Variants in TMEM245 observed in about 807,000 individuals in gnomAD.
TMEM245 encodes protein CG-2.
A neutral mutation model predicts 101.2 loss-of-function variants in TMEM245; 69 were observed. That is an observed-to-expected ratio of 0.68 (90% CI 0.56 to 0.83). The LOEUF is 0.83. Among genes scored for constraint, TMEM245 ranks in the 40% least tolerant of loss-of-function variants. TMEM245 has a pLI of 0.00. For missense variants in TMEM245, 1,075 were observed against 1,092.8 expected, an observed-to-expected ratio of 0.98 and a Z score of 0.23; for synonymous variants, 537 against 449.8, an observed-to-expected ratio of 1.19 and a Z score of -2.45.
rs1047151555 is a variant in TMEM245, at chr9:109,027,933, C to T, written c.2594+5374G>A. ...CTGACCTCAGGTGATCTACCCACCTCGACCTCCCAAAGTGCTGGGATTACA... is the reference window on the plus strand; with the variant it reads ...CTGACCTCAGGTGATCTACCCACCTTGACCTCCCAAAGTGCTGGGATTACA... On this transcript the variant is annotated intron_variant, in intron 17 of 17. Coordinates refer to ENST00000374586, the MANE Select transcript of TMEM245 (RefSeq NM_032012.4). Among the ~76,000 whole-genome samples, 4 of 151,818 alleles carry T rather than the reference C, an allele frequency of 2.6e-5. No homozygotes were observed. The South Asian group carries it at 8.4e-4, about 32-fold the overall frequency.
At chr9:109,086,633 A>C (rs1467328804) in intron 6 of TMEM245, among the ~76,000 whole-genome samples, 2 of 152,236 alleles carry the variant, frequency 1.3e-5, no homozygotes, top group Non-Finnish European at 2.9e-5. Context: ...ATGGAAACCA[A>C]GGCACAGAAA....
chr9:109,090,415 T>G (rs1424494106), intron 5 of TMEM245, among the ~76,000 whole-genome samples: 1 of 151,920 alleles, frequency 6.6e-6, no homozygotes, highest in African/African-American at 2.4e-5. Context: ...GCTAAACACA[T>G]TTTTTGAGCT....
At chr9:109,038,227 T>C in intron 14 of TMEM245, 110 bp from the exon 15 acceptor site, 1 of 680,134 alleles carries the variant, frequency 1.5e-6, no homozygotes, top group Non-Finnish European at 2.4e-6. Context: ...TCAGTTTTTC[T>C]GCTGGCCTGA....
intron 17 of TMEM245, among the ~76,000 whole-genome samples, chr9:109,022,789 T>C (rs553855481): frequency 1.3e-5 from 2 of 152,344 alleles, no homozygotes; most frequent in East Asian, 3.9e-4. Flanking sequence ...TGAAAAGCCC[T>C]GGAAAATCTT....
chr9:109,037,856 C>T (rs1435540818), intron 15 of TMEM245, among the ~76,000 whole-genome samples, 161 bp downstream of exon 15: 5 of 152,176 alleles, frequency 3.3e-5, no homozygotes, highest in Admixed American at 6.5e-5. Context: ...TAAACAAACA[C>T]ATTACAAATC....
intron 6 of TMEM245, 95 bp from the exon 7 acceptor site, chr9:109,086,115 GA>G (rs1829827722): frequency 2.9e-6 from 4 of 1,380,792 alleles, no homozygotes; most frequent in Non-Finnish European, 4.1e-6. Flanking sequence ...AGGAAAGCAT[GA>G]GAAGGAAACC....
In TMEM245 at chr9:109,108,455, A is replaced by G. The variant is rs1830485932; in HGVS notation, c.695T>C (p.Leu232Ser). The change falls in exon 2 of 18, where the codon TTA becomes TCA. Residue 232 changes from leucine to serine, a missense_variant and splice_region_variant. Coordinates refer to ENST00000374586, the MANE Select transcript of TMEM245 (RefSeq NM_032012.4). ...AAAAAAAAAAAGAAGGAACCCACCT[A>G]AATGAAAAAGCAATATAATCCAGAC... ...IPVWIILLFHLASLAGSWRIP... is the reference protein window; with the variant it reads ...IPVWIILLFHSASLAGSWRIP... 5.8e-6 allele frequency: 9 copies of G among 1,541,304 alleles called. No homozygotes were observed. The highest frequency in any genetic ancestry group is 7.9e-6 in the Non-Finnish European group (9 of 1,143,282).
chr9:109,057,286 A>G lies in TMEM245; in HGVS notation c.1759T>C (p.Leu587=). 1 of 1,614,106 alleles carries G rather than the reference A, an allele frequency of 6.2e-7. No homozygotes were observed. Among genetic ancestry groups the G allele is most frequent in the South Asian group, 1.1e-5 (1 of 91,078 alleles). ...CAGCTATTCTGACGACTGACATGCA[A>G]CTTCTGTCCTTTGTGCCTTCCAGAG... The part of the protein sequence containing the change: ...THSGRHKGQK[L]HVSRQNSWLG... Residue 587 remains leucine (L), a synonymous_variant, in exon 12 of 18, where the codon TTG becomes CTG. Coordinates refer to ENST00000374586, the MANE Select transcript of TMEM245 (RefSeq NM_032012.4).
chr9:109,078,495 T>C (rs1024134452), intron 8 of TMEM245, among the ~76,000 whole-genome samples: 4 of 152,212 alleles, frequency 2.6e-5, no homozygotes, highest in African/African-American at 9.6e-5. Flanking sequence ...TGCCTTTACT[T>C]TGAAAGAACA....
At chr9:109,036,453 G>A in intron 15 of TMEM245, 73 bp from the exon 16 acceptor site, 1 of 1,375,504 alleles carries the variant, frequency 7.3e-7, no homozygotes, top group Non-Finnish European at 9.6e-7. Context: ...AATCTAAGCA[G>A]TAGCTCCTCC....
At chr9:109,104,335 A>ATTAAAAT (rs926670256) in intron 3 of TMEM245, among the ~76,000 whole-genome samples, 1 of 152,164 alleles carries the variant, frequency 6.6e-6, no homozygotes, top group African/African-American at 2.4e-5. Context: ...AGCCACAAAA[A>ATTAAAAT]TTAAAATTTA....
At chr9:109,091,835 C>T (rs929090692) in intron 4 of TMEM245, among the ~76,000 whole-genome samples, 15 of 152,090 alleles carry the variant, frequency 9.9e-5, no homozygotes, top group Admixed American at 6.5e-4. Flanking sequence ...ATATACCATA[C>T]ACATCAGAAA....
In TMEM245 at chr9:109,087,188, T is replaced by C. The variant is rs1385088106; in HGVS notation, c.1305A>G (p.Leu435=). The C allele has an allele frequency of 6.2e-7, 1 of 1,607,346 alleles. No individual in the cohort carries two copies. The highest frequency in any genetic ancestry group is 2.2e-5 in the East Asian group (1 of 44,786). Residue 435 remains leucine, a synonymous_variant, in exon 6 of 18, where the codon TTA becomes TTG. Transcript: ENST00000374586. Reference sequence around the variant, plus strand: ...AATACAATACCTTGCTATCAACTTTTAACAAGAATTTTCCAAGCCCGACAA... The same window carrying C: ...AATACAATACCTTGCTATCAACTTTCAACAAGAATTTTCCAAGCCCGACAA... ...WPIVGLGKFL[L]KVDSKLWHWL... is the part of the protein sequence containing the mutation.
intron 17 of TMEM245, among the ~76,000 whole-genome samples, chr9:109,030,991 C>T (rs1827928901): frequency 6.6e-6 from 1 of 152,156 alleles, no homozygotes; most frequent in African/African-American, 2.4e-5. Context: ...TCCTTGATTA[C>T]ACGAGAATAT....
rs1238561480 is a variant in TMEM245, at chr9:109,119,883, G to C, written c.31C>G (p.Pro11Ala). The C allele has an allele frequency of 7.7e-7, 1 of 1,301,550 alleles. No homozygotes were observed. Among genetic ancestry groups the C allele is most frequent in the East Asian group, 3.1e-5 (1 of 32,090 alleles). 80.6% of individuals were successfully genotyped at this position (1,301,550 alleles called of 1,614,324 possible). The change falls in exon 1 of 18, where the codon CCA becomes GCA. Residue 11 changes from proline to alanine, a missense_variant. Transcript: ENST00000374586. ...GGCCCGGGAGAGCTCCGCAGGCTTG[G>C]CGCGTCCTTAGGGCCGCCGCCGTCG... Reference protein sequence around the residue: MADGGGPKDAPSLRSSPGPAP... With the variant: MADGGGPKDAASLRSSPGPAP...
intron 7 of TMEM245, among the ~76,000 whole-genome samples, chr9:109,083,266 G>A (rs1440536513): frequency 6.6e-6 from 1 of 152,148 alleles, no homozygotes; most frequent in Non-Finnish European, 1.5e-5. Flanking sequence ...CAGCAACTCG[G>A]AGAGATAGGA....
At chr9:109,054,101 T>G (rs1001305071) in intron 12 of TMEM245, among the ~76,000 whole-genome samples, 2 of 151,984 alleles carry the variant, frequency 1.3e-5, no homozygotes, top group African/African-American at 4.8e-5. Context: ...GAGGCCGAGG[T>G]GAAAGAACAG....
chr9:109,061,731 G>C (rs1829019504), intron 10 of TMEM245, among the ~76,000 whole-genome samples: 1 of 151,962 alleles, frequency 6.6e-6, no homozygotes, highest in African/African-American at 2.4e-5. Flanking sequence ...CCCACACCCA[G>C]TTAATTTTTG....
At chr9:109,080,246 C>T (rs1014563873) in intron 8 of TMEM245, among the ~76,000 whole-genome samples, 33 of 151,248 alleles carry the variant, frequency 2.2e-4, no homozygotes, top group African/African-American at 7.5e-4. Context: ...TTAAAATGTA[C>T]CATAAAAGTG....
Sources: gnomAD v4.1 joint callset for allele counts (sites outside exome capture counted in the v4.1 genomes callset) on GRCh38, gnomAD v4.1.1 for gene constraint, MANE v1.5 for transcripts, NCBI Gene and HGNC (gene_info 2026-07-23, HGNC 2026-07-21) for gene names.